Variants in FRYL observed in about 807,000 individuals in gnomAD.
The protein encoded by FRYL is protein furry homolog-like.
FRYL carries 150 observed loss-of-function variants against 351.2 expected under a neutral mutation model. The observed-to-expected ratio is 0.43, with a 90% CI of 0.37 to 0.49. The LOEUF is 0.49. Ranked by LOEUF, FRYL falls within the 20% of genes least tolerant of loss-of-function variation. The probability of loss-of-function intolerance (pLI) is 0.00; values close to 1 mark genes in which losing one functional copy is unlikely to be tolerated. For missense variants in FRYL, 3,036 were observed against 3,619.3 expected, an observed-to-expected ratio of 0.84 and a Z score of 4.13; for synonymous variants, 1,153 against 1,257.1, an observed-to-expected ratio of 0.92 and a Z score of 1.75.
At chr4:48,647,931 A>G (rs1756863992) in intron 3 of FRYL, among the ~76,000 whole-genome samples, 1 of 152,178 alleles carries the variant, frequency 6.6e-6, no homozygotes, top group African/African-American at 2.4e-5. Context: ...AACTGATGTC[A>G]ATGAGAATGT....
At chr4:48,695,085 C>A (rs1455264101) in intron 2 of FRYL, among the ~76,000 whole-genome samples, 1 of 152,064 alleles carries the variant, frequency 6.6e-6, no homozygotes, top group African/African-American at 2.4e-5. Flanking sequence ...AACAAACAAA[C>A]AAAAAATTGG....
Position 48,567,346 on chromosome 4 carries a change from T to C in FRYL, c.3071A>G (p.Gln1024Arg), listed in dbSNP as rs780748382. 6.2e-7 allele frequency: 1 copy of C among 1,612,762 alleles called. No homozygotes were observed. The highest frequency in any genetic ancestry group is 1.7e-5 in the Admixed American group (1 of 59,938). Residue 1024 changes from glutamine (Q) to arginine (R), a missense_variant, in exon 28 of 64, where the codon CAA (glutamine) becomes CGA (arginine). By Grantham distance (43) the Gln-to-Arg change is conservative. Around this residue, in one of 7 missense-constraint regions of FRYL, gnomAD observed 492 missense variants for 551.5 expected, o/e 0.89. Transcript: ENST00000358350. The surrounding 1 kb of genome is among the most constrained non-coding windows in gnomAD (Gnocchi z 4.2). ...TLLEYVDLTR[Q>R]LLEAENEKDS... ...TTTTTCATTTTCTGCTTCCAGGAGTTGTCTAGTTAAATCTACATATTCCAA... is the reference window on the plus strand; with the variant it reads ...TTTTTCATTTTCTGCTTCCAGGAGTCGTCTAGTTAAATCTACATATTCCAA...
At chr4:48,545,227 A>G (rs1473733984) in intron 42 of FRYL, among the ~76,000 whole-genome samples, 2 of 152,250 alleles carry the variant, frequency 1.3e-5, no homozygotes, top group Non-Finnish European at 2.9e-5. Context: ...ATTGTAATGC[A>G]AAGAAAATAA....
rs183043349 is a variant in FRYL at position 48,634,389 on chromosome 4, G to A, written c.22C>T (p.Pro8Ser). MSNITID[P>S]DVKPGEYVIK... ...ACATATTCACCAGGTTTGACATCTG[G>A]GTCAATCGTAATGTTTGACATGATG... is the stretch of plus-strand genomic sequence containing the variant. Residue 8 changes from proline to serine, a missense_variant, in exon 4 of 64, where the codon CCA becomes TCA. Pro to Ser is a moderately conservative substitution (Grantham distance 74). Around this residue, in one of 7 missense-constraint regions of FRYL, gnomAD observed 457 missense variants for 566.6 expected, o/e 0.81. Transcript: ENST00000358350. 3 of 1,612,104 alleles carry A rather than the reference G, an allele frequency of 1.9e-6. No homozygotes were observed. The highest frequency in any genetic ancestry group is 2.2e-5 in the East Asian group (1 of 44,834).
At chr4:48,569,593 G>A (rs939906444) in intron 27 of FRYL, among the ~76,000 whole-genome samples, 11 of 151,626 alleles carry the variant, frequency 7.3e-5, no homozygotes, top group Admixed American at 3.3e-4. Flanking sequence ...CCACTGCATC[G>A]GCCAATATTT....
intron 35 of FRYL, among the ~76,000 whole-genome samples, chr4:48,553,703 C>G (rs1383183585): frequency 6.6e-6 from 1 of 151,414 alleles, no homozygotes; most frequent in Non-Finnish European, 1.5e-5. Flanking sequence ...AAAAATTTCT[C>G]TTTTAATGGA....
intron 55 of FRYL, among the ~76,000 whole-genome samples, chr4:48,518,362 G>T (rs1724108122): frequency 6.6e-6 from 1 of 152,062 alleles, no homozygotes; most frequent in African/African-American, 2.4e-5. Context: ...TATTCTTCCA[G>T]CTTAGCTCGT....
intron 1 of FRYL, among the ~76,000 whole-genome samples, chr4:48,756,600 A>G (rs1773801378): frequency 6.6e-6 from 1 of 152,232 alleles, no homozygotes; most frequent in African/African-American, 2.4e-5. Flanking sequence ...GTTTATTAGA[A>G]GACACGCACT....
chr4:48,681,619 A>C (rs572068411), intron 3 of FRYL, among the ~76,000 whole-genome samples: 2 of 152,284 alleles, frequency 1.3e-5, no homozygotes, highest in Admixed American at 1.3e-4. Flanking sequence ...CTTTTATAAA[A>C]CATGAAAAGG....
rs1275062549 is a variant in FRYL, at chr4:48,535,771, C to G, written c.6450G>C (p.Leu2150Phe). ...TLVNLAHMMS[L>F]YSTHTYSRDC... ...CTCTGGAATACGTGTGTGTACTGTACAAACTCATCATGTGTGCCAGATTGA... is the reference window on the plus strand; with the variant it reads ...CTCTGGAATACGTGTGTGTACTGTAGAAACTCATCATGTGTGCCAGATTGA... The change falls in exon 48 of 64, where the codon TTG (leucine) becomes TTC (phenylalanine). Residue 2150 changes from leucine to phenylalanine, a missense_variant. This residue lies in a region of FRYL where 1,987 missense variants were observed against 2,311.7 expected (regional missense o/e 0.86). Coordinates refer to ENST00000358350, the MANE Select transcript of FRYL (RefSeq NM_015030.2). 2.5e-6 allele frequency: 4 copies of G among 1,587,824 alleles called. No homozygotes were observed. The highest frequency in any genetic ancestry group is 3.4e-6 in the Non-Finnish European group (4 of 1,164,806).
In FRYL at chr4:48,546,582, C is replaced by T. The variant is rs1440205328; in HGVS notation, c.5075-311G>A. The T allele has an allele frequency of 1.4e-5, 4 of 292,192 alleles. No homozygotes were observed. The Admixed American group carries it at 1.9e-4, about 14-fold the overall frequency. 18.1% of individuals were successfully genotyped at this position (292,192 alleles called of 1,614,324 possible). On this transcript the variant is annotated intron_variant, in intron 41 of 63. Coordinates refer to ENST00000358350, the MANE Select transcript of FRYL (RefSeq NM_015030.2). The stretch of plus-strand genomic sequence containing the variant: ...ATTCTGGCATATTTTGTCAACATCG[C>T]TTGTCAGTCACATTTCTATAATATG...
At chr4:48,623,287 C>T (rs1445769709) in intron 4 of FRYL, 108 bp from the exon 5 acceptor site, 7 of 644,596 alleles carry the variant, frequency 1.1e-5, no homozygotes, top group South Asian at 4.7e-5. Context: ...TGGTTTTGCT[C>T]GTTTTCACTT....
At chr4:48,687,252 C>T (rs1013720772) in intron 2 of FRYL, among the ~76,000 whole-genome samples, 1 of 152,000 alleles carries the variant, frequency 6.6e-6, no homozygotes, top group Non-Finnish European at 1.5e-5. Context: ...CATGGTCATG[C>T]TATACAAATA....
At chr4:48,622,533 A>G (rs1300196894) in intron 5 of FRYL, among the ~76,000 whole-genome samples, 2 of 152,150 alleles carry the variant, frequency 1.3e-5, no homozygotes, top group Non-Finnish European at 2.9e-5. Flanking sequence ...ACTCTTCTTT[A>G]TTTAGTCAAT....
At chr4:48,632,425 G>C (rs1753407467) in intron 4 of FRYL, among the ~76,000 whole-genome samples, 1 of 150,288 alleles carries the variant, frequency 6.7e-6, no homozygotes, top group African/African-American at 2.4e-5. Flanking sequence ...GTAATTCAGA[G>C]ACCATTGAAA....
intron 1 of FRYL, among the ~76,000 whole-genome samples, chr4:48,733,658 T>C (rs1373409332): frequency 6.6e-6 from 1 of 152,118 alleles, no homozygotes; most frequent in African/African-American, 2.4e-5. Flanking sequence ...TCTATATACA[T>C]ATATACATAT....
At chr4:48,768,352 C>T (rs1348126851) in intron 1 of FRYL, among the ~76,000 whole-genome samples, 1 of 152,176 alleles carries the variant, frequency 6.6e-6, no homozygotes, top group Non-Finnish European at 1.5e-5. Flanking sequence ...AAACGAAAAT[C>T]GTAGCACTGG....
chr4:48,710,489 C>A (rs4695397), intron 2 of FRYL, 30 bp downstream of exon 2: 183,184 of 398,194 alleles, frequency 0.46, 44,454 homozygotes, highest in East Asian at 0.59. Context: ...GAAAGAAGGC[C>A]TAGAAAAGAG....
chr4:48,736,877 A>G (rs2149638321), intron 1 of FRYL, among the ~76,000 whole-genome samples: 1 of 151,056 alleles, frequency 6.6e-6, no homozygotes, highest in South Asian at 2.1e-4. Flanking sequence ...AAAAGAAAAA[A>G]GAAAAAGAAA....
Sources: allele counts gnomAD v4.1 joint callset (sites outside exome capture counted in the v4.1 genomes callset), GRCh38; gene constraint gnomAD v4.1.1; regional missense constraint gnomAD v4.1.1; non-coding constraint Gnocchi (gnomAD v3.1); transcripts MANE v1.5; gene names NCBI Gene and HGNC (gene_info 2026-07-23, HGNC 2026-07-21).